ZNF385D: variants seen among roughly 807,000 people sequenced by gnomAD.
ZNF385D encodes the protein zinc finger protein 385D, also known as zinc finger protein 659.
ZNF385D carries 15 observed loss-of-function variants against 35.8 expected under a neutral mutation model. The ratio of observed to expected loss-of-function variants is 0.42; its 90% CI spans 0.28 to 0.64. The LOEUF (loss-of-function observed/expected upper bound fraction) is 0.64, where lower values mean the gene tolerates loss of function less well. Among genes scored for constraint, ZNF385D ranks in the 30% least tolerant of loss-of-function variants. The pLI is 0.23. For synonymous variants in ZNF385D, 212 were observed against 186.8 expected (o/e 1.13, Z -1.10); for missense variants, 474 against 494.6 (o/e 0.96, Z 0.39).
intron 1 of ZNF385D, among the ~76,000 whole-genome samples, chr3:21,726,975 T>A (rs1311948245): frequency 6.6e-6 from 1 of 152,020 alleles, no homozygotes; most frequent in Non-Finnish European, 1.5e-5. Context: ...AAAAGAGATA[T>A]ATAGACCAAT....
At position 21,708,765 on chromosome 3, in the gene ZNF385D, A is replaced by G. The variant is rs2067995966; in HGVS notation, c.22+42130T>C. ...ATACATTTAGTTTTCTAAGAATTTCAACAGATTTGCATCAGTAGACTTTGT... is the reference window on the plus strand; with the variant it reads ...ATACATTTAGTTTTCTAAGAATTTCGACAGATTTGCATCAGTAGACTTTGT... On this transcript the variant is annotated intron_variant, in intron 1 of 7. Coordinates refer to ENST00000281523, the MANE Select transcript of ZNF385D (RefSeq NM_024697.3). 2.0e-5 allele frequency among the ~76,000 whole-genome samples: 3 copies of G among 152,240 alleles called. No individual in the cohort carries two copies. The South Asian group carries it at 6.2e-4, about 32-fold the overall frequency.
chr3:21,899,197 C>T (rs1029949516), intron 3 of ZNF385D, among the ~76,000 whole-genome samples: 1 of 151,944 alleles, frequency 6.6e-6, no homozygotes, highest in Non-Finnish European at 1.5e-5. Flanking sequence ...TGCTACAATG[C>T]CCAGGACAGT....
chr3:22,344,899 T>C (rs1695588128), intron 2 of ZNF385D, among the ~76,000 whole-genome samples: 3 of 152,218 alleles, frequency 2.0e-5, no homozygotes, highest in Admixed American at 2.0e-4. Context: ...GACAGTGACC[T>C]GGGAAGATTT....
intron 2 of ZNF385D, among the ~76,000 whole-genome samples, chr3:22,191,216 C>A (rs111272316): frequency 2.0e-5 from 3 of 151,872 alleles, no homozygotes; most frequent in African/African-American, 7.2e-5. Flanking sequence ...TGCAGCCGGG[C>A]GCGGTGGCTC....
At chr3:22,284,335 C>T (rs1230427948) in intron 2 of ZNF385D, among the ~76,000 whole-genome samples, 1 of 151,964 alleles carries the variant, frequency 6.6e-6, no homozygotes, top group Non-Finnish European at 1.5e-5. Context: ...ATTACAGGAA[C>T]ATGCCACCAC....
rs186149718 is a variant in ZNF385D, at chr3:22,162,944, A to G, written c.325+5873T>C. ...TGTGCAAGTAGTGGGCTGGAGATCT[A>G]TACCTGTGAAGCGTAAGAAAAGCAG... On this transcript the variant is annotated intron_variant, in intron 3 of 5. Transcript: ENST00000494108. 2.7e-3 allele frequency among the ~76,000 whole-genome samples: 408 copies of G among 152,282 alleles called. 19 individuals are homozygous for G. The South Asian group carries it at 0.071, about 27-fold the overall frequency.
intron 2 of ZNF385D, among the ~76,000 whole-genome samples, chr3:22,185,471 C>T (rs1030807406): frequency 1.3e-5 from 2 of 151,992 alleles, no homozygotes; most frequent in Admixed American, 6.6e-5. Context: ...ATTCAATGTT[C>T]ACTTTTTCTT....
intron 3 of ZNF385D, among the ~76,000 whole-genome samples, chr3:21,991,358 G>T (rs1268176960): frequency 2.6e-5 from 4 of 152,272 alleles, no homozygotes; most frequent in Middle Eastern, 3.4e-3. Context: ...TCAGCTTTCA[G>T]ATCTATAGCC....
intron 3 of ZNF385D, among the ~76,000 whole-genome samples, chr3:22,007,851 C>A (rs998898515): frequency 6.6e-6 from 1 of 150,968 alleles, no homozygotes; most frequent in Non-Finnish European, 1.5e-5. Context: ...ATATAGTTTT[C>A]TTTTTGTTAA....
chr3:21,573,883 A>C (rs1427475778), intron 2 of ZNF385D, among the ~76,000 whole-genome samples: 1 of 152,074 alleles, frequency 6.6e-6, no homozygotes, highest in Non-Finnish European at 1.5e-5. Context: ...AACATGGTGA[A>C]ACCCCATCTC....
intron 2 of ZNF385D, among the ~76,000 whole-genome samples, chr3:22,312,667 G>A (rs983811402): frequency 7.9e-5 from 12 of 152,010 alleles, no homozygotes; most frequent in African/African-American, 2.9e-4. Flanking sequence ...ATTATCACTG[G>A]CCATCAGAGA....
intron 3 of ZNF385D, among the ~76,000 whole-genome samples, chr3:21,973,941 G>T (rs1158519556): frequency 6.6e-6 from 1 of 151,764 alleles, no homozygotes; most frequent in Non-Finnish European, 1.5e-5. Context: ...AAATGAAAAG[G>T]TATTCTATGT....
At chr3:22,295,709 C>T (rs985489553) in intron 2 of ZNF385D, among the ~76,000 whole-genome samples, 1 of 152,106 alleles carries the variant, frequency 6.6e-6, no homozygotes, top group Non-Finnish European at 1.5e-5. Context: ...TTTATATGCA[C>T]ACCTCATAGT....
chr3:22,328,076 G>T (rs1241312023), intron 2 of ZNF385D, among the ~76,000 whole-genome samples: 1 of 151,580 alleles, frequency 6.6e-6, no homozygotes, highest in African/African-American at 2.4e-5. Context: ...TTTTATTTAG[G>T]TTTCTTTTTG....
chr3:21,889,274 T>G, intron 3 of ZNF385D, among the ~76,000 whole-genome samples: 1 of 152,238 alleles, frequency 6.6e-6, no homozygotes, highest in East Asian at 1.9e-4. Context: ...GCAGGCCTAG[T>G]ATTGCCATAG....
At chr3:21,482,147 C>G (rs114387651) in intron 4 of ZNF385D, among the ~76,000 whole-genome samples, 2,828 of 152,162 alleles carry the variant, frequency 0.019, 71 homozygotes, top group African/African-American at 0.065. Flanking sequence ...AGTCTGGGCT[C>G]TTTTGTTTAT....
intron 3 of ZNF385D, among the ~76,000 whole-genome samples, chr3:22,039,717 G>T (rs535776198): frequency 2.0e-5 from 3 of 152,114 alleles, no homozygotes; most frequent in Non-Finnish European, 4.4e-5. Context: ...GATTCTTGGA[G>T]AGCCCGAATA....
At chr3:22,311,721 C>T (rs1703562456) in intron 2 of ZNF385D, among the ~76,000 whole-genome samples, 1 of 152,154 alleles carries the variant, frequency 6.6e-6, no homozygotes, top group African/African-American at 2.4e-5. Context: ...GCTTTGCTCT[C>T]ATCTCATGCT....
At chr3:21,831,053 G>C (rs1279778924) in intron 3 of ZNF385D, among the ~76,000 whole-genome samples, 1 of 152,270 alleles carries the variant, frequency 6.6e-6, no homozygotes, top group African/African-American at 2.4e-5. Context: ...AGCGAGACTG[G>C]AGACTGAATA....
Sources: allele counts gnomAD v4.1 joint callset (sites outside exome capture counted in the v4.1 genomes callset), GRCh38; gene constraint gnomAD v4.1.1; transcripts MANE v1.5; gene names NCBI Gene and HGNC (gene_info 2026-07-23, HGNC 2026-07-21).